The following C12orf42 variants were observed in gnomAD, a reference collection of about 807,000 sequenced individuals.
The protein encoded by C12orf42 is uncharacterized protein C12orf42.
In C12orf42, 25 loss-of-function variants were observed where a neutral mutation model predicts 21.6. That is an observed-to-expected ratio of 1.16 (90% CI 0.84 to 1.62). The LOEUF is 1.62. Among genes scored for constraint, C12orf42 ranks in the 40% most tolerant of loss-of-function variants. The pLI, the probability that C12orf42 is intolerant of heterozygous loss-of-function variation, is 0.00. For synonymous variants in C12orf42, 174 were observed against 175.0 expected (o/e 0.99, Z 0.05); for missense variants, 483 against 459.3 (o/e 1.05, Z -0.47).
At chr12:103,458,424 G>A (rs1592901388) in intron 2 of C12orf42, among the ~76,000 whole-genome samples, 1 of 152,134 alleles carries the variant, frequency 6.6e-6, no homozygotes, top group South Asian at 2.1e-4. Flanking sequence ...TTATAGGATA[G>A]GCGAAACTAG....
the C12orf42 span, among the ~76,000 whole-genome samples, chr12:103,069,734 A>G: frequency 2.6e-5 from 4 of 152,082 alleles, no homozygotes; most frequent in African/African-American, 7.2e-5. Flanking sequence ...CTCTTTCTCT[A>G]TATTTTTTCT....
rs748535679 is a variant in C12orf42 at position 103,294,620 on chromosome 12, GA to G, written n.338-17411del. Among the ~76,000 whole-genome samples the G allele has an allele frequency of 2.4e-4, 33 of 138,990 alleles. 1 individual carries two copies. The highest frequency in any genetic ancestry group is 2.3e-3 in the Admixed American group (33 of 14,078). The allele number at this position is 138,990 out of a possible 152,430, so 91.2% of individuals were successfully genotyped here. ...AGAAAGAAAGAAAGAAAGAAAGAAAGAAAGAAAGAAAGAAAGAAGGAAAAGA... is the reference window on the plus strand; with the variant it reads ...AGAAAGAAAGAAAGAAAGAAAGAAAGAAGAAAGAAAGAAAGAAGGAAAAGA... On this transcript the variant is annotated intron_variant and non_coding_transcript_variant, in intron 4 of 6. Transcript: ENST00000546526.
intron 4 of C12orf42, among the ~76,000 whole-genome samples, chr12:103,318,991 T>A (rs914960693): frequency 1.3e-5 from 2 of 152,244 alleles, no homozygotes; most frequent in African/African-American, 2.4e-5. Flanking sequence ...AGGCTTGTGC[T>A]ACCTGCCTGC....
intron 10 of C12orf42, among the ~76,000 whole-genome samples, chr12:103,239,892 C>T (rs1418083049): frequency 6.6e-6 from 1 of 152,142 alleles, no homozygotes; most frequent in African/African-American, 2.4e-5. Context: ...CAGATGGAGA[C>T]TGGCTTGCAT....
chr12:103,063,755 C>T, the C12orf42 span, among the ~76,000 whole-genome samples: 1 of 152,036 alleles, frequency 6.6e-6, no homozygotes, highest in Non-Finnish European at 1.5e-5. Flanking sequence ...AGAGTGTGAC[C>T]CATGAGGAGA....
chr12:103,059,836 T>C, the C12orf42 span, among the ~76,000 whole-genome samples: 5 of 152,234 alleles, frequency 3.3e-5, no homozygotes, highest in East Asian at 9.6e-4. Context: ...TATCTCAAAA[T>C]AGTAAGAACT....
chr12:103,194,773 C>G, the C12orf42 span, among the ~76,000 whole-genome samples: 2 of 152,240 alleles, frequency 1.3e-5, no homozygotes, highest in South Asian at 4.1e-4. Context: ...GATTCAATCT[C>G]TATCAAAATT....
the C12orf42 span, among the ~76,000 whole-genome samples, chr12:103,545,413 A>C: frequency 5.7e-4 from 87 of 152,244 alleles, 1 homozygote; most frequent in Non-Finnish European, 1.1e-3. Flanking sequence ...TATAAGTAGA[A>C]GAGCATAAAC....
chr12:103,108,066 C>G, the C12orf42 span, among the ~76,000 whole-genome samples: 2 of 151,060 alleles, frequency 1.3e-5, no homozygotes, highest in Non-Finnish European at 3.0e-5. Flanking sequence ...TTTTAATCAT[C>G]ATATAAATTT....
chr12:103,413,612 G>T (rs543216633), intron 2 of C12orf42, among the ~76,000 whole-genome samples: 3 of 152,036 alleles, frequency 2.0e-5, no homozygotes, highest in Non-Finnish European at 4.4e-5. Context: ...TCAGTGTGTA[G>T]TCTTTTATCC....
chr12:103,545,194 A>T, the C12orf42 span, among the ~76,000 whole-genome samples: 30 of 152,350 alleles, frequency 2.0e-4, no homozygotes, highest in East Asian at 4.6e-3. Flanking sequence ...AGGAAATCTT[A>T]TCTACCATTC....
intron 4 of C12orf42, among the ~76,000 whole-genome samples, chr12:103,281,877 GAGAA>G (rs1428140956): frequency 1.5e-5 from 2 of 134,124 alleles, no homozygotes; most frequent in African/African-American, 2.8e-5. Flanking sequence ...AGAGAGAAAA[GAGAA>G]AGAAAGAAAA....
At chr12:103,462,339 G>A (rs1952793558) in intron 2 of C12orf42, among the ~76,000 whole-genome samples, 1 of 151,738 alleles carries the variant, frequency 6.6e-6, no homozygotes, top group Admixed American at 6.6e-5. Flanking sequence ...TCGAACCCCT[G>A]ACCTCAGGTG....
the C12orf42 span, among the ~76,000 whole-genome samples, chr12:103,165,298 C>T: frequency 6.6e-6 from 1 of 152,206 alleles, no homozygotes; most frequent in Admixed American, 6.5e-5. Context: ...CAGGCACTTT[C>T]CCTATAAAAG....
the C12orf42 span, among the ~76,000 whole-genome samples, chr12:103,195,287 T>C: frequency 1.3e-5 from 2 of 152,184 alleles, no homozygotes; most frequent in East Asian, 3.8e-4. Flanking sequence ...TAGAATGATA[T>C]CTATTCCTTT....
At chr12:103,448,035 C>T (rs565258120) in intron 2 of C12orf42, among the ~76,000 whole-genome samples, 4 of 152,030 alleles carry the variant, frequency 2.6e-5, no homozygotes, top group South Asian at 2.1e-4. Context: ...CATTACCCAA[C>T]GTCAAACTAT....
intron 3 of C12orf42, among the ~76,000 whole-genome samples, chr12:103,399,110 T>C (rs1382654785): frequency 6.6e-6 from 1 of 151,980 alleles, no homozygotes; most frequent in Non-Finnish European, 1.5e-5. Context: ...TTTAAATTTA[T>C]TCCAAAGTAA....
chr12:103,174,224 A>AT, the C12orf42 span, among the ~76,000 whole-genome samples: 2 of 152,212 alleles, frequency 1.3e-5, no homozygotes, highest in African/African-American at 4.8e-5. Flanking sequence ...CAGAAATTAA[A>AT]TGCTCTGCCA....
At chr12:103,203,576 A>G in the C12orf42 span, among the ~76,000 whole-genome samples, 1 of 152,198 alleles carries the variant, frequency 6.6e-6, no homozygotes, top group Non-Finnish European at 1.5e-5. Flanking sequence ...AGAAATGGAA[A>G]TTTAACTTTT....
Sources: allele counts gnomAD v4.1 joint callset (sites outside exome capture counted in the v4.1 genomes callset), GRCh38; gene constraint gnomAD v4.1.1; transcripts MANE v1.5; gene names NCBI Gene and HGNC (gene_info 2026-07-23, HGNC 2026-07-21).